CCPG1: variants seen among roughly 807,000 people sequenced by gnomAD.
CCPG1 encodes the protein cell cycle progression 1, also known as cell cycle progression protein 1.
In CCPG1, 46 loss-of-function variants were observed where a neutral mutation model predicts 81.3. The observed-to-expected ratio is 0.57, with a 90% CI of 0.45 to 0.72. The LOEUF (loss-of-function observed/expected upper bound fraction) is 0.72, where lower values mean the gene tolerates loss of function less well. CCPG1 is among the 30% of genes least tolerant of loss of function. The pLI, the probability that CCPG1 is intolerant of heterozygous loss-of-function variation, is 0.00. For missense variants in CCPG1, 902 were observed against 937.6 expected, an observed-to-expected ratio of 0.96 and a Z score of 0.50; for synonymous variants, 330 against 305.2, an observed-to-expected ratio of 1.08 and a Z score of -0.85.
At chr15:55,391,987 G>A (rs1343903696) in intron 1 of CCPG1, among the ~76,000 whole-genome samples, 2 of 145,632 alleles carry the variant, frequency 1.4e-5, no homozygotes, top group Non-Finnish European at 3.0e-5. Flanking sequence ...AGATCAGCCT[G>A]GGCAACATTG....
At chr15:55,400,786 T>G (rs1433388467) in intron 1 of CCPG1, among the ~76,000 whole-genome samples, 1 of 152,226 alleles carries the variant, frequency 6.6e-6, no homozygotes, top group Non-Finnish European at 1.5e-5. Flanking sequence ...CATCTTGTGT[T>G]TACTGGCTAT....
chr15:55,388,379 T>C (rs2056846620), intron 2 of CCPG1, among the ~76,000 whole-genome samples: 1 of 152,212 alleles, frequency 6.6e-6, no homozygotes, highest in Non-Finnish European at 1.5e-5. Context: ...TATATCAATC[T>C]TCTATTATAA....
chr15:55,374,672 C>A (rs752070656), intron 5 of CCPG1, among the ~76,000 whole-genome samples: 2 of 152,142 alleles, frequency 1.3e-5, no homozygotes, highest in Non-Finnish European at 2.9e-5. Flanking sequence ...CCTCTATTGC[C>A]CAGGCTGGAG....
intron 1 of CCPG1, chr15:55,399,989 G>A (rs2057095932): frequency 6.6e-6 from 1 of 151,434 alleles, no homozygotes; most frequent in Admixed American, 6.6e-5. Flanking sequence ...CAGCACTTTG[G>A]GAGGATCACT....
chr15:55,376,826 C>G, intron 5 of CCPG1, 123 bp downstream of exon 5: 1 of 684,072 alleles, frequency 1.5e-6, no homozygotes, highest in Non-Finnish European at 2.5e-6. Flanking sequence ...CAAAAATAGT[C>G]TTGTCTTGAG....
chr15:55,377,880 T>A (rs1223315418), intron 4 of CCPG1, among the ~76,000 whole-genome samples: 1 of 149,328 alleles, frequency 6.7e-6, no homozygotes, highest in Non-Finnish European at 1.5e-5. Flanking sequence ...TTGTTATAAA[T>A]CACCCAGTAT....
intron 6 of CCPG1, among the ~76,000 whole-genome samples, chr15:55,368,554 CA>C (rs2056379740): frequency 6.6e-6 from 1 of 152,124 alleles, no homozygotes; most frequent in African/African-American, 2.4e-5. Flanking sequence ...AGGAGAAAAC[CA>C]AATCAATTGA....
chr15:55,361,793 A>C (rs1220428876), intron 7 of CCPG1, among the ~76,000 whole-genome samples: 1 of 152,182 alleles, frequency 6.6e-6, no homozygotes, highest in Non-Finnish European at 1.5e-5. Context: ...TGTACCCTTC[A>C]AAGGATGAAA....
At chr15:55,385,519 C>T (rs2056781620) in intron 3 of CCPG1, 81 bp downstream of exon 3, 2 of 689,206 alleles carry the variant, frequency 2.9e-6, no homozygotes, top group African/African-American at 1.9e-5. Context: ...AGAAAGGCCA[C>T]CCACCTGGAA....
chr15:55,363,423 G>A (rs2056248647), intron 7 of CCPG1, among the ~76,000 whole-genome samples: 2 of 150,454 alleles, frequency 1.3e-5, no homozygotes, highest in Non-Finnish European at 3.0e-5. Context: ...AGGTTAATGC[G>A]TGGTGAGTTT....
intron 2 of CCPG1, among the ~76,000 whole-genome samples, chr15:55,386,908 A>C (rs1230627699): frequency 6.6e-6 from 1 of 151,602 alleles, no homozygotes; most frequent in Non-Finnish European, 1.5e-5. Context: ...AAAAAAAAAA[A>C]GTAAAGAAAA....
chr15:55,365,059 C>T (rs1468398305), intron 7 of CCPG1, 129 bp downstream of exon 7: 1 of 604,906 alleles, frequency 1.7e-6, no homozygotes, highest in Non-Finnish European at 2.9e-6. Flanking sequence ...CACTAAATAC[C>T]CGTACTCAAT....
intron 3 of CCPG1, among the ~76,000 whole-genome samples, chr15:55,382,260 C>T (rs2056713682): frequency 6.6e-6 from 1 of 152,198 alleles, no homozygotes; most frequent in African/African-American, 2.4e-5. Flanking sequence ...TTTGATAGCA[C>T]TTTGCCCACA....
chr15:55,359,040 T>C, intron 8 of CCPG1: 1 of 983,908 alleles, frequency 1.0e-6, no homozygotes, highest in Non-Finnish European at 1.2e-6. Context: ...TCAAAGATAA[T>C]TATGTGACTA....
chr15:55,369,009 G>C (rs1235277937), intron 6 of CCPG1, among the ~76,000 whole-genome samples: 1 of 152,154 alleles, frequency 6.6e-6, no homozygotes, highest in Non-Finnish European at 1.5e-5. Context: ...CTACTCAGGA[G>C]GGTGAGACAG....
intron 6 of CCPG1, among the ~76,000 whole-genome samples, chr15:55,367,847 G>A (rs1322521519): frequency 6.6e-6 from 1 of 152,040 alleles, no homozygotes; most frequent in Non-Finnish European, 1.5e-5. Flanking sequence ...CATTCCCACT[G>A]TTATTCCAAT....
intron 8 of CCPG1, chr15:55,358,920 G>A (rs2056135484): frequency 2.1e-6 from 2 of 960,728 alleles, no homozygotes; most frequent in Non-Finnish European, 2.5e-6. Flanking sequence ...TGAAGATTAG[G>A]TAAGTTTCAT....
chr15:55,376,821 A>G (rs2056575770), intron 5 of CCPG1, 128 bp downstream of exon 5: 15 of 664,728 alleles, frequency 2.3e-5, no homozygotes, highest in Admixed American at 5.7e-5. Context: ...ACACACAAAA[A>G]TAGTCTTGTC....
Position 55,355,562 on chromosome 15 carries a change from C to G in CCPG1, c.*658G>C. On this transcript the variant is annotated 3_prime_UTR_variant, in exon 9 of 9. Coordinates refer to ENST00000442196, the MANE Select transcript of CCPG1 (RefSeq NM_001204450.2). ...TGAACTGCTTTACCAAATATCACTACTGAGGAAATGTATAAAATACCACAT... is the reference window on the plus strand; with the variant it reads ...TGAACTGCTTTACCAAATATCACTAGTGAGGAAATGTATAAAATACCACAT... 1 of 656,802 alleles carries G rather than the reference C, an allele frequency of 1.5e-6. No homozygotes were observed. Among genetic ancestry groups the G allele is most frequent in the Non-Finnish European group, 2.6e-6 (1 of 390,092 alleles). 40.7% of individuals were successfully genotyped at this position (656,802 alleles called of 1,614,324 possible).
Sources: gnomAD v4.1 joint callset for allele counts (sites outside exome capture counted in the v4.1 genomes callset) on GRCh38, gnomAD v4.1.1 for gene constraint, MANE v1.5 for transcripts, NCBI Gene and HGNC (gene_info 2026-07-23, HGNC 2026-07-21) for gene names.